Variants in GTF3C6 observed in about 807,000 individuals in gnomAD.
GTF3C6 encodes the protein general transcription factor IIIC subunit 6.
GTF3C6 carries 11 observed loss-of-function variants against 19.2 expected under a neutral mutation model. The observed-to-expected ratio is 0.57, with a 90% CI of 0.36 to 0.95. The LOEUF (loss-of-function observed/expected upper bound fraction) is 0.95, where lower values mean the gene tolerates loss of function less well. Ranked by LOEUF, GTF3C6 falls within the 40% of genes least tolerant of loss-of-function variation. The pLI is 0.01. For missense variants in GTF3C6, 222 were observed against 254.7 expected, an observed-to-expected ratio of 0.87 and a Z score of 0.87; for synonymous variants, 87 against 84.2, an observed-to-expected ratio of 1.03 and a Z score of -0.18.
intron 5 of GTF3C6, among the ~76,000 whole-genome samples, chr6:110,963,703 CTTTT>C (rs5879081): frequency 7.7e-6 from 1 of 129,976 alleles, no homozygotes. Context: ...AAAAAGCTGG[CTTTT>C]TTTTTTTTTT....
chr6:110,964,166 C>A (rs1369351165), intron 5 of GTF3C6, among the ~76,000 whole-genome samples: 1 of 152,144 alleles, frequency 6.6e-6, no homozygotes, highest in Non-Finnish European at 1.5e-5. Context: ...CCTCTGCCCC[C>A]CATCCCCCTA....
rs1771145808 is a variant in GTF3C6, at chr6:110,960,462, G to C, written c.187G>C (p.Ala63Pro). 6.2e-7 allele frequency: 1 copy of C among 1,613,848 alleles called. No homozygotes were observed. The highest frequency in any genetic ancestry group is 2.2e-5 in the East Asian group (1 of 44,888). ...PILQVDSCVF[A>P]GEYEDTLGTC... is the part of the protein sequence containing the mutation. ...TCTGCAAGTGGACAGCTGTGTCTTT[G>C]CTGGGGAGTATGAAGGTAGGAGGAT... The change falls in exon 3 of 6, where the codon GCT (alanine) becomes CCT (proline). Residue 63 changes from alanine to proline, a missense_variant. Physicochemically the swap from Ala to Pro is conservative, Grantham distance 27 (BLOSUM62 -1). Transcript: ENST00000329970.
chr6:110,959,745 C>G (rs12660133), intron 2 of GTF3C6, among the ~76,000 whole-genome samples: 37,466 of 151,594 alleles, frequency 0.25, 5,306 homozygotes, highest in East Asian at 0.65. Flanking sequence ...AGATCACGAG[C>G]CCAGGAGTTC....
chr6:110,964,984 C>A (rs1771212633), intron 5 of GTF3C6, among the ~76,000 whole-genome samples: 1 of 151,652 alleles, frequency 6.6e-6, no homozygotes, highest in African/African-American at 2.4e-5. Context: ...AGGCACGCAC[C>A]AGCACGCCCA....
intron 5 of GTF3C6, among the ~76,000 whole-genome samples, chr6:110,964,628 T>G (rs1468356867): frequency 6.6e-6 from 1 of 151,596 alleles, no homozygotes; most frequent in Non-Finnish European, 1.5e-5. Context: ...GCCTTTCTTT[T>G]CCTTTTGACG....
chr6:110,958,752 G>A lies in GTF3C6; in HGVS notation c.-18G>A, dbSNP rs757359901. 3.2e-6 allele frequency: 5 copies of A among 1,550,460 alleles called. No individual in the cohort carries two copies. The highest frequency in any genetic ancestry group is 4.4e-6 in the Non-Finnish European group (5 of 1,146,890). On this transcript the variant is annotated 5_prime_UTR_variant, in exon 1 of 6. Coordinates refer to ENST00000329970, the MANE Select transcript of GTF3C6 (RefSeq NM_138408.4). ...GGCGGGCGTGGCCAGTGACTAGAAG[G>A]CGAGGCGCCGCGGGACCATGGCGGC...
chr6:110,967,562 C>T lies in GTF3C6; in HGVS notation c.414C>T (p.Asn138=). The stretch of plus-strand genomic sequence containing the variant: ...ATAATGATTTCTCCTATCGACCCAA[C>T]ATGATTTGTAACTTTCTACATGAAA... ...IKDNDFSYRP[N]MICNFLHENE... is the part of the protein sequence containing the mutation. Residue 138 remains asparagine (N), a synonymous_variant, in exon 6 of 6, where the codon AAC becomes AAT. Transcript: ENST00000329970. 2.5e-6 allele frequency: 4 copies of T among 1,613,924 alleles called. No individual in the cohort carries two copies. Among genetic ancestry groups the T allele is most frequent in the Non-Finnish European group, 3.4e-6 (4 of 1,179,952 alleles).
intron 5 of GTF3C6, 91 bp downstream of exon 5, chr6:110,962,596 AATAACT>A (rs1771175038): frequency 1.4e-6 from 1 of 711,250 alleles, no homozygotes; most frequent in Non-Finnish European, 2.5e-6. Context: ...ACTTTTTAGT[AATAACT>A]ATACATGATT....
intron 4 of GTF3C6, among the ~76,000 whole-genome samples, chr6:110,961,905 AT>A (rs67754425): frequency 0.11 from 15,748 of 147,242 alleles, 911 homozygotes; most frequent in Middle Eastern, 0.17. Flanking sequence ...CTGTTAACGT[AT>A]TTTTTTTTTT....
intron 4 of GTF3C6, among the ~76,000 whole-genome samples, chr6:110,962,132 G>A (rs1473397851): frequency 6.6e-6 from 1 of 152,032 alleles, no homozygotes; most frequent in Non-Finnish European, 1.5e-5. Context: ...TCAAACTCCC[G>A]ACCTCAGGTG....
chr6:110,960,275 A>C, intron 2 of GTF3C6, 139 bp from the exon 3 acceptor site: 1 of 650,876 alleles, frequency 1.5e-6, no homozygotes, highest in East Asian at 2.7e-5. Flanking sequence ...GAGCAGTTGT[A>C]GTTTATCCTG....
chr6:110,962,161 C>T (rs1416590773), intron 4 of GTF3C6, among the ~76,000 whole-genome samples: 4 of 152,142 alleles, frequency 2.6e-5, no homozygotes, highest in Non-Finnish European at 5.9e-5. Context: ...GCCTCGGCCT[C>T]CCAAAGTGCA....
chr6:110,963,218 C>T (rs1192691330), intron 5 of GTF3C6, among the ~76,000 whole-genome samples: 2 of 152,046 alleles, frequency 1.3e-5, no homozygotes, highest in African/African-American at 4.8e-5. Context: ...TGCCTGGCCT[C>T]ATAATATGTT....
intron 4 of GTF3C6, among the ~76,000 whole-genome samples, chr6:110,961,107 C>G (rs1771154540): frequency 6.6e-6 from 1 of 151,900 alleles, no homozygotes; most frequent in African/African-American, 2.4e-5. Flanking sequence ...TCCCCCTTTC[C>G]AAACTTACTT....
In GTF3C6 at chr6:110,962,250, G is replaced by A; in HGVS notation, c.248-142G>A. The A allele has an allele frequency of 8.5e-6, 5 of 586,986 alleles. No homozygotes were observed. The South Asian group carries it at 1.1e-4, about 12-fold the overall frequency. 36.4% of individuals were successfully genotyped at this position (586,986 alleles called of 1,614,324 possible). A position where few individuals can be genotyped will look rare whatever the true frequency, so the allele number is the denominator to read the frequency against. The stretch of plus-strand genomic sequence containing the variant: ...ATTTTTCTATGCTTGGAGCAGGAGG[G>A]ATGAGTTATACCTTGAATTTACTAC... On this transcript the variant is annotated intron_variant, in intron 4 of 5. Coordinates refer to ENST00000329970, the MANE Select transcript of GTF3C6 (RefSeq NM_138408.4).
chr6:110,962,903 G>A (rs1045746687), intron 5 of GTF3C6, among the ~76,000 whole-genome samples: 7 of 151,922 alleles, frequency 4.6e-5, no homozygotes, highest in African/African-American at 9.7e-5. Flanking sequence ...CTCAGCCTCC[G>A]GAGTAGCTGG....
Position 110,960,616 on chromosome 6 carries a change from GGTAA to G in GTF3C6, c.247+3_247+6del. 2 of 1,612,092 alleles carry G rather than the reference GGTAA, an allele frequency of 1.2e-6. No homozygotes were observed. The highest frequency in any genetic ancestry group is 1.7e-6 in the Non-Finnish European group (2 of 1,178,242). The stretch of plus-strand genomic sequence containing the variant: ...TATATTTGAAGAAAATGTTGAACAT[GGTAA>G]GTGATTGCTAGCCCAGCCCTTTTTA... On this transcript the variant is annotated splice_donor_variant and splice_donor_region_variant and intron_variant, in intron 4 of 5. Coordinates refer to ENST00000329970, the MANE Select transcript of GTF3C6 (RefSeq NM_138408.4). LOFTEE classifies it high-confidence loss of function.
In GTF3C6 at chr6:110,958,781, G is replaced by A. The variant is rs977275763; in HGVS notation, c.12G>A (p.Ala4=). ...GGCGCCGCGGGACCATGGCGGCGGCGGCGGACGAGCGGAGTCCAGAGGACG... is the reference window on the plus strand; with the variant it reads ...GGCGCCGCGGGACCATGGCGGCGGCAGCGGACGAGCGGAGTCCAGAGGACG... MAA[A]ADERSPEDGE... is the part of the protein sequence containing the mutation. The change falls in exon 1 of 6, where the codon GCG becomes GCA. Residue 4 remains alanine, a synonymous_variant. Transcript: ENST00000329970. The A allele has an allele frequency of 6.4e-7, 1 of 1,551,022 alleles. No homozygotes were observed. Among genetic ancestry groups the A allele is most frequent in the East Asian group, 2.4e-5 (1 of 40,980 alleles).
intron 5 of GTF3C6, among the ~76,000 whole-genome samples, chr6:110,963,744 C>G (rs7744866): frequency 0.024 from 3,601 of 148,094 alleles, 126 homozygotes; most frequent in African/African-American, 0.087. Context: ...CTCTGTCACT[C>G]AGGCTGGAGT....
Sources: allele counts gnomAD v4.1 joint callset (sites outside exome capture counted in the v4.1 genomes callset), GRCh38; gene constraint gnomAD v4.1.1; transcripts MANE v1.5; gene names NCBI Gene and HGNC (gene_info 2026-07-23, HGNC 2026-07-21).